The following LRP1B variants were observed in gnomAD, a reference collection of about 807,000 sequenced individuals.
LRP1B encodes the protein LDL receptor related protein 1B.
Under a neutral mutation model 556.6 loss-of-function variants are expected in LRP1B, and 217 were observed. The ratio of observed to expected loss-of-function variants is 0.39; its 90% confidence interval spans 0.35 to 0.44. The LOEUF (loss-of-function observed/expected upper bound fraction) is 0.44. Ranked by LOEUF, LRP1B falls within the 20% of genes least tolerant of loss-of-function variation. The probability of loss-of-function intolerance (pLI) is 1.00; values close to 1 mark genes in which losing one functional copy is unlikely to be tolerated. For missense variants in LRP1B, 5,053 were observed against 5,620.8 expected, an observed-to-expected ratio of 0.90 and a Z score of 3.23; for synonymous variants, 2,047 against 1,865.8, an observed-to-expected ratio of 1.10 and a Z score of -2.50.
At chr2:141,419,690 G>A (rs190563533) in intron 3 of LRP1B, among the ~76,000 whole-genome samples, 36 of 151,450 alleles carry the variant, frequency 2.4e-4, no homozygotes, top group African/African-American at 6.5e-4. Context: ...TGTCAATTTC[G>A]GTGATCTGTA....
chr2:141,329,480 T>C (rs1175253290), intron 3 of LRP1B, among the ~76,000 whole-genome samples: 1 of 150,834 alleles, frequency 6.6e-6, no homozygotes, highest in South Asian at 2.1e-4. Context: ...CTGTCTCTAC[T>C]AAAAATACGA....
chr2:140,908,699 T>G (rs181675628), intron 21 of LRP1B, among the ~76,000 whole-genome samples: 3 of 152,232 alleles, frequency 2.0e-5, no homozygotes, highest in Admixed American at 2.0e-4. Context: ...ATTTATAGAA[T>G]TTTTTTATTG....
chr2:140,701,387 T>C (rs1341187188), intron 40 of LRP1B, among the ~76,000 whole-genome samples: 1 of 152,036 alleles, frequency 6.6e-6, no homozygotes, highest in East Asian at 1.9e-4. Context: ...TCAACTGCCT[T>C]TTATTAATAT....
rs1168988818 is a variant in LRP1B, at chr2:140,399,485, GC to G, written c.10415-13477del. Among the ~76,000 whole-genome samples the G allele has an allele frequency of 4.0e-5, 6 of 151,780 alleles. No homozygotes were observed. In the East Asian group the frequency reaches 9.7e-4, roughly 24 times the overall value. On this transcript the variant is annotated intron_variant, in intron 66 of 90. Coordinates refer to ENST00000389484, the MANE Select transcript of LRP1B (RefSeq NM_018557.3). ...TATTTTCTTATATTTTCCTCCCTAT[GC>G]CCCAAATATATTAGAGAGGCCACAG... is the stretch of plus-strand genomic sequence containing the variant.
intron 2 of LRP1B, among the ~76,000 whole-genome samples, chr2:141,538,979 AT>A (rs1175285304): frequency 6.6e-6 from 1 of 152,184 alleles, no homozygotes; most frequent in Non-Finnish European, 1.5e-5. Context: ...TGGAAATAAG[AT>A]TTCAGTGTGC....
intron 7 of LRP1B, among the ~76,000 whole-genome samples, chr2:141,163,163 A>G (rs75116104): frequency 0.02 from 3,089 of 152,148 alleles, 53 homozygotes; most frequent in African/African-American, 0.047. Flanking sequence ...GCTTTCTGGT[A>G]TTACCACACA....
chr2:141,226,070 C>A (rs1202401210), intron 6 of LRP1B, among the ~76,000 whole-genome samples: 2 of 151,986 alleles, frequency 1.3e-5, no homozygotes, highest in Non-Finnish European at 2.9e-5. Context: ...TGCAAACCTA[C>A]CTAATTATGC....
At chr2:140,517,933 A>G (rs1689987618) in intron 49 of LRP1B, among the ~76,000 whole-genome samples, 1 of 151,692 alleles carries the variant, frequency 6.6e-6, no homozygotes, top group South Asian at 2.1e-4. Flanking sequence ...CTGGTCTTGA[A>G]CTTCTGACGT....
At chr2:140,702,800 T>C (rs79954634) in intron 37 of LRP1B, among the ~76,000 whole-genome samples, 2,055 of 152,204 alleles carry the variant, frequency 0.014, 51 homozygotes, top group African/African-American at 0.047. Context: ...TTGTGCCTGC[T>C]ATTTCCTGTC....
At chr2:141,851,157 G>A (rs184511803) in intron 1 of LRP1B, among the ~76,000 whole-genome samples, 5 of 151,848 alleles carry the variant, frequency 3.3e-5, no homozygotes, top group African/African-American at 1.2e-4. Context: ...AGAAATCACT[G>A]GCGTATATTC....
chr2:141,520,290 C>T (rs988987644), intron 2 of LRP1B, among the ~76,000 whole-genome samples: 31 of 152,204 alleles, frequency 2.0e-4, no homozygotes, highest in Admixed American at 1.8e-3. Context: ...GAAAAGCAGT[C>T]CCATGAAGAA....
intron 27 of LRP1B, among the ~76,000 whole-genome samples, chr2:140,866,037 G>A (rs1692940219): frequency 6.6e-6 from 1 of 152,106 alleles, no homozygotes; most frequent in South Asian, 2.1e-4. Context: ...TTTGGGTGAG[G>A]AGGAATGATG....
intron 2 of LRP1B, among the ~76,000 whole-genome samples, chr2:141,499,816 T>A (rs1683647437): frequency 6.6e-6 from 1 of 152,112 alleles, no homozygotes; most frequent in Non-Finnish European, 1.5e-5. Flanking sequence ...GTATTCGGCA[T>A]CAGGTTTCCT....
chr2:141,583,132 G>A (rs1054565922), intron 2 of LRP1B, among the ~76,000 whole-genome samples: 8 of 152,046 alleles, frequency 5.3e-5, no homozygotes, highest in East Asian at 1.9e-4. Flanking sequence ...CACCACGCCC[G>A]GCCAACAATA....
At chr2:141,156,193 T>C (rs984564564) in intron 7 of LRP1B, among the ~76,000 whole-genome samples, 1 of 152,168 alleles carries the variant, frequency 6.6e-6, no homozygotes, top group African/African-American at 2.4e-5. Flanking sequence ...AACTGCCTCC[T>C]GGCTCAGTAA....
intron 32 of LRP1B, among the ~76,000 whole-genome samples, chr2:140,784,576 A>G (rs1689829230): frequency 6.6e-6 from 1 of 151,938 alleles, no homozygotes; most frequent in South Asian, 2.1e-4. Context: ...CAAGAAATCA[A>G]ATTAAGTAAA....
At chr2:141,712,206 GAACTC>G (rs537004165) in intron 2 of LRP1B, among the ~76,000 whole-genome samples, 1,789 of 136,862 alleles carry the variant, frequency 0.013, 19 homozygotes, top group South Asian at 0.027. Flanking sequence ...ATGCCAATTG[GAACTC>G]AGAAAATTTG....
At chr2:140,744,947 A>C (rs1166621396) in intron 35 of LRP1B, among the ~76,000 whole-genome samples, 2 of 152,174 alleles carry the variant, frequency 1.3e-5, no homozygotes, top group Non-Finnish European at 2.9e-5. Context: ...GAACCAATGA[A>C]ACTGGCTACT....
Position 141,650,634 on chromosome 2 carries a change from G to A in LRP1B, c.205+159645C>T, listed in dbSNP as rs139229185. On this transcript the variant is annotated intron_variant, in intron 2 of 90. Coordinates refer to ENST00000389484, the MANE Select transcript of LRP1B (RefSeq NM_018557.3). The stretch of plus-strand genomic sequence containing the variant: ...GGAGCCCTTTACATTCCTCTGACTC[G>A]GAAATTAATGAGAACGTAGTGCAAA... Among the ~76,000 whole-genome samples the A allele has an allele frequency of 5.4e-3, 824 of 152,138 alleles. 2 individuals carry two copies. Among genetic ancestry groups the A allele is most frequent in the African/African-American group, 0.019 (790 of 41,504 alleles).
Sources: gnomAD v4.1 joint callset for allele counts (sites outside exome capture counted in the v4.1 genomes callset) on GRCh38, gnomAD v4.1.1 for gene constraint, MANE v1.5 for transcripts, NCBI Gene and HGNC (gene_info 2026-07-23, HGNC 2026-07-21) for gene names.